SLC66A2: variants seen among roughly 807,000 people sequenced by gnomAD.
The protein encoded by SLC66A2 is PQ loop repeat containing 1.
Under a neutral mutation model 25.5 loss-of-function variants are expected in SLC66A2, and 23 were observed. The ratio of observed to expected loss-of-function variants is 0.90; its 90% confidence interval spans 0.65 to 1.28. The LOEUF is 1.28. Ranked by LOEUF, SLC66A2 falls within the 50% of genes most tolerant of loss-of-function variation. The pLI, the probability that SLC66A2 is intolerant of heterozygous loss-of-function variation, is 0.00. For synonymous variants in SLC66A2, 193 were observed against 166.5 expected (o/e 1.16, Z -1.23); for missense variants, 396 against 373.1 (o/e 1.06, Z -0.51).
In SLC66A2 at chr18:79,941,712, C is replaced by T. The variant is rs755610893; in HGVS notation, c.337+1617G>A. 5.9e-5 allele frequency: 9 copies of T among 152,346 alleles called. No homozygotes were observed. The highest frequency in any genetic ancestry group is 1.3e-4 in the Non-Finnish European group (9 of 68,134). The allele number at this position is 152,346 out of a possible 1,614,324, so 9.4% of individuals were successfully genotyped here. A position where few individuals can be genotyped will look rare whatever the true frequency, so the allele number is the denominator to read the frequency against. ...ATCCCAGTGTTCCAACACACACTCA[C>T]ATTAAACCCCACGCTGGCTGCTCTG... On this transcript the variant is annotated intron_variant, in intron 3 of 5. Coordinates refer to ENST00000397778, the MANE Select transcript of SLC66A2 (RefSeq NM_025078.5). The surrounding 1 kb of genome is among the most constrained non-coding windows in gnomAD (Gnocchi z 4.1).
chr18:79,907,334 G>GT (rs57635823), intron 5 of SLC66A2, among the ~76,000 whole-genome samples: 6,975 of 116,830 alleles, frequency 0.06, 351 homozygotes, highest in African/African-American at 0.14. Flanking sequence ...TCTTTGTATA[G>GT]TTTTTTTTTT....
At chr18:79,923,246 A>G (rs1599573428) in intron 4 of SLC66A2, among the ~76,000 whole-genome samples, 2 of 13,324 alleles carry the variant, frequency 1.5e-4, no homozygotes, top group African/African-American at 2.8e-4. Context: ...GGGGCCGTGG[A>G]CGGGTGGGTG....
intron 2 of SLC66A2, among the ~76,000 whole-genome samples, chr18:79,944,898 G>A (rs1381780998): frequency 2.0e-5 from 3 of 146,508 alleles, no homozygotes; most frequent in East Asian, 2.0e-4. Context: ...TCGACTCAGA[G>A]CAGAAGCAGG....
At chr18:79,910,838 C>T (rs779787984) in intron 5 of SLC66A2, among the ~76,000 whole-genome samples, 5 of 152,204 alleles carry the variant, frequency 3.3e-5, no homozygotes, top group Non-Finnish European at 5.9e-5. Context: ...CCTCACACAG[C>T]GGCCACACAA....
At chr18:79,919,921 TGGG>T (rs1984863785) in intron 4 of SLC66A2, among the ~76,000 whole-genome samples, 4 of 6,018 alleles carry the variant, frequency 6.6e-4, no homozygotes, top group African/African-American at 9.5e-4. Context: ...TCAAGGTCAG[TGGG>T]GAGAGACAGG....
chr18:79,950,646 C>T, intron 2 of SLC66A2, 78 bp downstream of exon 2: 4 of 1,460,834 alleles, frequency 2.7e-6, no homozygotes, highest in East Asian at 2.3e-5. Flanking sequence ...CCTGCTGCTC[C>T]CCCGGCCTCA....
At chr18:79,930,507 A>G (rs997860127) in intron 4 of SLC66A2, among the ~76,000 whole-genome samples, 8 of 152,224 alleles carry the variant, frequency 5.3e-5, no homozygotes. Flanking sequence ...ACATAAAAAA[A>G]GAGTACAGGT....
chr18:79,950,884 G>A lies in SLC66A2; in HGVS notation c.43C>T (p.Gln15Ter). ...GLDWLLVPLHQLVSWGAAAAM... is the reference protein window; with the variant it reads ...GLDWLLVPLH ...GCGGCCGCGCCCCAGGACACCAGCT[G>A]GTGCAGTGGCACCAGGAGCCAGTCC... Residue 15 changes from glutamine (Q) to a stop codon, truncating the protein, a stop_gained, in exon 2 of 6, where the codon CAG (glutamine) becomes TAG (stop). Transcript: ENST00000397778. LOFTEE classifies it high-confidence loss of function. The A allele has an allele frequency of 1.2e-6, 2 of 1,601,966 alleles. No homozygotes were observed. Among genetic ancestry groups the A allele is most frequent in the Non-Finnish European group, 1.7e-6 (2 of 1,175,384 alleles).
intron 5 of SLC66A2, among the ~76,000 whole-genome samples, chr18:79,915,230 G>A (rs944646431): frequency 3.3e-5 from 5 of 152,108 alleles, no homozygotes; most frequent in African/African-American, 7.2e-5. Context: ...AGCGCAGACC[G>A]GATGAACTGG....
chr18:79,938,431 C>T (rs1353548545), intron 3 of SLC66A2, among the ~76,000 whole-genome samples: 1 of 152,148 alleles, frequency 6.6e-6, no homozygotes, highest in Non-Finnish European at 1.5e-5. Context: ...TCAGGCTGGG[C>T]ACTCGGGGCC....
chr18:79,948,560 T>C lies in SLC66A2; in HGVS notation c.203+2164A>G, dbSNP rs144562906. Among the ~76,000 whole-genome samples the C allele has an allele frequency of 3.1e-3, 476 of 152,270 alleles. 2 individuals carry two copies. The highest frequency in any genetic ancestry group is 0.011 in the African/African-American group (437 of 41,552). On this transcript the variant is annotated intron_variant, in intron 2 of 5. Coordinates refer to ENST00000397778, the MANE Select transcript of SLC66A2 (RefSeq NM_025078.5). ...CTTGCTGTGTTGCGTTGGTTGGTCT[T>C]GAACTCCTGGCCTCAAGTGATCCTC...
In SLC66A2 at chr18:79,919,192, C is replaced by T. The variant is rs150969347; in HGVS notation, c.600G>A (p.Glu200=). Reference sequence around the variant, plus strand: ...CGGCATCCCCGGCCTACCTCATGCCCTCCGTGGACTGGTGGCGGTGGTTGC... The same window carrying T: ...CGGCATCCCCGGCCTACCTCATGCCTTCCGTGGACTGGTGGCGGTGGTTGC... ...LYRNHRHQST[E]GMSIKMVLMW... Residue 200 remains glutamate, a synonymous_variant, in exon 5 of 6, where the codon GAG becomes GAA. Transcript: ENST00000397778. 1.9e-6 allele frequency: 3 copies of T among 1,613,114 alleles called. No homozygotes were observed. In the South Asian group the frequency reaches 3.3e-5, roughly 18 times the overall value.
rs62101193 is a variant in SLC66A2, at chr18:79,920,133, G to T, written c.392-733C>A. 1.8e-4 allele frequency among the ~76,000 whole-genome samples: 10 copies of T among 56,356 alleles called. 1 individual carries two copies. The highest frequency in any genetic ancestry group is 4.6e-4 in the East Asian group (1 of 2,158). The allele number at this position is 56,356 out of a possible 152,430, so 37.0% of individuals were successfully genotyped here. On this transcript the variant is annotated intron_variant, in intron 4 of 5. Transcript: ENST00000397778. ...GTCAGTGGGGAGAGACGGAACCGAG[G>T]GAGAGGTCAGGGTCAGTGAGGAGAG...
At chr18:79,935,922 A>G (rs570346381) in intron 3 of SLC66A2, among the ~76,000 whole-genome samples, 1 of 152,350 alleles carries the variant, frequency 6.6e-6, no homozygotes, top group Admixed American at 6.5e-5. Context: ...GCTCTGCCCA[A>G]AATGCACTCA....
intron 5 of SLC66A2, among the ~76,000 whole-genome samples, chr18:79,914,129 C>T (rs1029383882): frequency 6.6e-6 from 1 of 152,236 alleles, no homozygotes; most frequent in African/African-American, 2.4e-5. Context: ...TGGTCTTGAA[C>T]TCCTAACCTT....
At chr18:79,915,104 C>G (rs944341380) in intron 5 of SLC66A2, among the ~76,000 whole-genome samples, 1 of 152,240 alleles carries the variant, frequency 6.6e-6, no homozygotes, top group Non-Finnish European at 1.5e-5. Flanking sequence ...AACGTCCCCA[C>G]AAGCAGACCC....
At position 79,907,043 on chromosome 18, in the gene SLC66A2, C is replaced by T. The variant is rs145738617; in HGVS notation, c.609-2860G>A. On this transcript the variant is annotated intron_variant, in intron 5 of 5. Transcript: ENST00000397778. Reference sequence around the variant, plus strand: ...TCAATACATCCTGCACCCCAGCATCCGCCATGGATGTAATCAGACTTCAAT... The same window carrying T: ...TCAATACATCCTGCACCCCAGCATCTGCCATGGATGTAATCAGACTTCAAT... Among the ~76,000 whole-genome samples, 175 of 152,342 alleles carry T rather than the reference C, an allele frequency of 1.1e-3. 1 individual carries two copies. Among genetic ancestry groups the T allele is most frequent in the African/African-American group, 3.3e-3 (137 of 41,570 alleles).
rs572420509 is a variant in SLC66A2, at chr18:79,934,728, T to C, written c.338-706A>G. On this transcript the variant is annotated intron_variant, in intron 3 of 5. Coordinates refer to ENST00000397778, the MANE Select transcript of SLC66A2 (RefSeq NM_025078.5). ...CTGGGAAGCCCCATGGGGTTTGGGA[T>C]TGAAGACAGTTGATAAACAAGAGAC... Among the ~76,000 whole-genome samples, 24 of 152,314 alleles carry C rather than the reference T, an allele frequency of 1.6e-4. No homozygotes were observed. In the South Asian group the frequency reaches 4.8e-3, roughly 30 times the overall value.
intron 4 of SLC66A2, among the ~76,000 whole-genome samples, chr18:79,931,574 C>A (rs932218199): frequency 6.6e-6 from 1 of 152,204 alleles, no homozygotes; most frequent in African/African-American, 2.4e-5. Flanking sequence ...TAGTAATGGA[C>A]GTAACAACTA....
Sources: allele counts gnomAD v4.1 joint callset (sites outside exome capture counted in the v4.1 genomes callset), GRCh38; gene constraint gnomAD v4.1.1; non-coding constraint Gnocchi (gnomAD v3.1); transcripts MANE v1.5; gene names NCBI Gene and HGNC (gene_info 2026-07-23, HGNC 2026-07-21).